Variants in HSD17B12 observed in about 807,000 individuals in gnomAD.
HSD17B12 encodes the protein very-long-chain 3-oxoacyl-CoA reductase.
In HSD17B12, 32 loss-of-function variants were observed where a neutral mutation model predicts 39.3. The observed-to-expected ratio is 0.81, with a 90% CI of 0.61 to 1.09. The LOEUF is 1.09. Ranked by LOEUF, HSD17B12 falls within the 50% of genes least tolerant of loss-of-function variation. The pLI is 0.00. For missense variants in HSD17B12, 342 were observed against 382.9 expected (o/e 0.89, Z 0.89); for synonymous variants, 150 against 146.7 (o/e 1.02, Z -0.16).
the HSD17B12 span, among the ~76,000 whole-genome samples, chr11:43,607,125 G>A: frequency 1.3e-5 from 2 of 152,134 alleles, no homozygotes; most frequent in Non-Finnish European, 2.9e-5. Context: ...ATTGTGTTGA[G>A]ACCTTTTGCT....
At chr11:43,706,724 T>G (rs112669766) in intron 1 of HSD17B12, among the ~76,000 whole-genome samples, 29 of 80,332 alleles carry the variant, frequency 3.6e-4, no homozygotes, top group South Asian at 1.1e-3. Flanking sequence ...GTGTGTGTTG[T>G]GGGGGGTGGG....
the HSD17B12 span, among the ~76,000 whole-genome samples, chr11:43,564,398 C>T: frequency 3.8e-4 from 58 of 152,200 alleles, 1 homozygote; most frequent in Admixed American, 2.6e-3. Flanking sequence ...ATATAAGGGA[C>T]AAGGGAAGAT....
chr11:43,692,919 G>T (rs116916353), intron 1 of HSD17B12, among the ~76,000 whole-genome samples: 2 of 152,154 alleles, frequency 1.3e-5, no homozygotes, highest in Non-Finnish European at 2.9e-5. Context: ...TTTGCTTCAT[G>T]GAAATAAATG....
chr11:43,729,576 T>C (rs974411232), intron 1 of HSD17B12, among the ~76,000 whole-genome samples: 17 of 152,196 alleles, frequency 1.1e-4, no homozygotes, highest in African/African-American at 4.1e-4. Context: ...ATAAATGAAA[T>C]CACTGAAAAG....
chr11:43,842,959 A>G lies in HSD17B12; in HGVS notation c.684+2895A>G, dbSNP rs935351201. The stretch of plus-strand genomic sequence containing the variant: ...TGTTTCCCTCAAAGATCTTTTCTCC[A>G]GATTTTCCACCTAGTAATCTGGTGT... On this transcript the variant is annotated intron_variant, in intron 9 of 10. Coordinates refer to ENST00000278353, the MANE Select transcript of HSD17B12 (RefSeq NM_016142.3). 9.2e-5 allele frequency among the ~76,000 whole-genome samples: 14 copies of G among 152,200 alleles called. 1 individual carries two copies. The highest frequency in any genetic ancestry group is 3.4e-4 in the African/African-American group (14 of 41,452).
At chr11:43,754,310 C>T (rs1267324996) in intron 3 of HSD17B12, among the ~76,000 whole-genome samples, 189 bp downstream of exon 3, 1 of 152,136 alleles carries the variant, frequency 6.6e-6, no homozygotes, top group Non-Finnish European at 1.5e-5. Context: ...CGGTGGCTCA[C>T]GCCTGTAATC....
intron 1 of HSD17B12, chr11:43,681,275 T>A: frequency 1.7e-6 from 1 of 573,760 alleles, no homozygotes; most frequent in Non-Finnish European, 2.5e-6. Context: ...GCTTGTGCCC[T>A]TTAAGCCATT....
chr11:43,583,356 C>A, the HSD17B12 span, among the ~76,000 whole-genome samples: 5 of 152,234 alleles, frequency 3.3e-5, no homozygotes, highest in Admixed American at 6.5e-5. Flanking sequence ...CCTCGCCTCG[C>A]CTCGCCTCAG....
chr11:43,560,531 C>G, the HSD17B12 span, among the ~76,000 whole-genome samples: 6 of 152,204 alleles, frequency 3.9e-5, no homozygotes, highest in Admixed American at 3.9e-4. Flanking sequence ...GACCTCTGGG[C>G]ACTGTCTGTG....
the HSD17B12 span, among the ~76,000 whole-genome samples, chr11:43,671,944 T>C: frequency 9.2e-5 from 14 of 152,254 alleles, no homozygotes; most frequent in African/African-American, 3.4e-4. Context: ...TCAAAATGAC[T>C]GATTTCAGCT....
In HSD17B12 at chr11:43,798,345, A is replaced by G; in HGVS notation, c.309A>G (p.Arg103=). 6.2e-7 allele frequency: 1 copy of G among 1,611,566 alleles called. No individual in the cohort carries two copies. Among genetic ancestry groups the G allele is most frequent in the Non-Finnish European group, 8.5e-7 (1 of 1,178,372 alleles). The change falls in exon 4 of 11, where the codon AGA becomes AGG. Residue 103 remains arginine, a synonymous_variant. Coordinates refer to ENST00000278353, the MANE Select transcript of HSD17B12 (RefSeq NM_016142.3). ...AAGAAAAATTCAAAGTGGAGACAAG[A>G]ACCATTGCTGTTGACTTTGCATCAG... is the stretch of plus-strand genomic sequence containing the variant. ...EIKEKFKVET[R]TIAVDFASED... is the part of the protein sequence containing the mutation.
chr11:43,786,204 G>A (rs1002581125), intron 3 of HSD17B12, among the ~76,000 whole-genome samples: 3 of 152,116 alleles, frequency 2.0e-5, no homozygotes, highest in Non-Finnish European at 2.9e-5. Flanking sequence ...CGACTCAATT[G>A]CACAAATGCT....
chr11:43,757,639 CAAAAAAA>C (rs60598991), intron 3 of HSD17B12, among the ~76,000 whole-genome samples: 5 of 7,206 alleles, frequency 6.9e-4, no homozygotes, highest in South Asian at 6.7e-3. Context: ...GACTCCGTCT[CAAAAAAA>C]AAAAAAAAAA....
chr11:43,733,058 A>G (rs1468406221), intron 1 of HSD17B12, among the ~76,000 whole-genome samples: 3 of 152,214 alleles, frequency 2.0e-5, no homozygotes, highest in Admixed American at 6.5e-5. Context: ...TTTGGGAAAT[A>G]CCAGGTGGAC....
chr11:43,745,887 G>A (rs2088621365), intron 1 of HSD17B12, among the ~76,000 whole-genome samples: 1 of 152,108 alleles, frequency 6.6e-6, no homozygotes, highest in Admixed American at 6.5e-5. Context: ...ATGGTAGCAT[G>A]TGCCTGTAGC....
chr11:43,715,452 G>C (rs1210695203), intron 1 of HSD17B12, among the ~76,000 whole-genome samples: 1 of 152,168 alleles, frequency 6.6e-6, no homozygotes, highest in Admixed American at 6.5e-5. Flanking sequence ...TGTCGAACCA[G>C]CCTTGCATCC....
At chr11:43,781,655 A>G (rs891103716) in intron 3 of HSD17B12, among the ~76,000 whole-genome samples, 2 of 152,116 alleles carry the variant, frequency 1.3e-5, no homozygotes, top group Admixed American at 6.5e-5. Flanking sequence ...AAATATATAT[A>G]CATATATATA....
At chr11:43,827,206 A>G (rs746465841) in intron 6 of HSD17B12, among the ~76,000 whole-genome samples, 1 of 152,176 alleles carries the variant, frequency 6.6e-6, no homozygotes, top group Non-Finnish European at 1.5e-5. Context: ...TATTCTCTCC[A>G]TGTGTATTAT....
the HSD17B12 span, among the ~76,000 whole-genome samples, chr11:43,571,212 A>G: frequency 6.6e-6 from 1 of 152,230 alleles, no homozygotes; most frequent in East Asian, 1.9e-4. Context: ...GAATTCAGGT[A>G]GATAAACAAC....
Sources: gnomAD v4.1 joint callset for allele counts (sites outside exome capture counted in the v4.1 genomes callset) on GRCh38, gnomAD v4.1.1 for gene constraint, MANE v1.5 for transcripts, NCBI Gene and HGNC (gene_info 2026-07-23, HGNC 2026-07-21) for gene names.